PLCD1: variants seen among roughly 807,000 people sequenced by gnomAD.
PLCD1 encodes the protein phospholipase C delta 1.
PLCD1 carries 71 observed loss-of-function variants against 87.4 expected under a neutral mutation model. The observed-to-expected ratio is 0.81, with a 90% CI of 0.67 to 0.99. The LOEUF is 0.99. Ranked by LOEUF, PLCD1 falls within the 50% of genes least tolerant of loss-of-function variation. The probability of loss-of-function intolerance (pLI) is 0.00; values close to 1 mark genes in which losing one functional copy is unlikely to be tolerated. For synonymous variants in PLCD1, 348 were observed against 399.2 expected, an observed-to-expected ratio of 0.87 and a Z score of 1.53; for missense variants, 867 against 1,001.5, an observed-to-expected ratio of 0.87 and a Z score of 1.81.
rs756854829 is a variant in PLCD1, at chr3:38,011,262, G to T, written c.742C>A (p.Pro248Thr). The T allele has an allele frequency of 1.2e-6, 2 of 1,611,526 alleles. No individual in the cohort carries two copies. Among genetic ancestry groups the T allele is most frequent in the South Asian group, 2.2e-5 (2 of 91,000 alleles). ...TCAATGAGGGAGAGGGCCAGCGCAGGCCCTGCCGCCTCCTCCCGCTGCTGG... is the reference window on the plus strand; with the variant it reads ...TCAATGAGGGAGAGGGCCAGCGCAGTCCCTGCCGCCTCCTCCCGCTGCTGG... ...QHQQREEAAG[P>T]ALALSLIERY... The change falls in exon 5 of 15, where the codon CCT becomes ACT. Residue 248 changes from proline (P) to threonine (T), a missense_variant. Physicochemically the swap from Pro to Thr is conservative, Grantham distance 38. Transcript: ENST00000334661.
In PLCD1 at chr3:38,008,110, G is replaced by A. The variant is rs1402744236; in HGVS notation, c.2089C>T (p.Leu697Phe). 6.2e-7 allele frequency: 1 copy of A among 1,614,008 alleles called. No homozygotes were observed. The highest frequency in any genetic ancestry group is 1.3e-5 in the African/African-American group (1 of 74,930). ...TCCACCAAGAAGCGGATGAGGGCAA[G>A]GTCAGGCACAACTACCTCAAACGCA... ...EFAFEVVVPDLALIRFLVEDY... is the reference protein window; with the variant it reads ...EFAFEVVVPDFALIRFLVEDY... The change falls in exon 14 of 15, where the codon CTT becomes TTT. Residue 697 changes from leucine to phenylalanine, a missense_variant. Physicochemically the swap from Leu to Phe is conservative, Grantham distance 22 (BLOSUM62 0). Transcript: ENST00000334661.
chr3:38,024,359 CG>C, intron 1 of PLCD1: 1 of 1,612,992 alleles, frequency 6.2e-7, no homozygotes, highest in South Asian at 1.1e-5. Flanking sequence ...CATTGAGCGC[CG>C]CCACCTTAAG....
intron 3 of PLCD1, among the ~76,000 whole-genome samples, chr3:38,015,189 T>C (rs1700136663): frequency 6.6e-6 from 1 of 152,214 alleles, no homozygotes; most frequent in Non-Finnish European, 1.5e-5. Context: ...GGAAACAATC[T>C]AAATGTCCAT....
In PLCD1 at chr3:38,025,461, C is replaced by G. The variant is rs970422564; in HGVS notation, c.34+4045G>C. Reference sequence around the variant, plus strand: ...AGCCTGGGCCAGACACCGAGCCCCCCCCAAGTATTTTACTTCAATTGCTCA... The same window carrying G: ...AGCCTGGGCCAGACACCGAGCCCCCGCCAAGTATTTTACTTCAATTGCTCA... On this transcript the variant is annotated intron_variant, in intron 1 of 14. Transcript: ENST00000334661. This position sits in a 1 kb window ranked among gnomAD's most constrained non-coding sequence, Gnocchi z 4.0. Among the ~76,000 whole-genome samples, 3 of 152,282 alleles carry G rather than the reference C, an allele frequency of 2.0e-5. No individual in the cohort carries two copies. The South Asian group carries it at 6.2e-4, about 32-fold the overall frequency.
intron 11 of PLCD1, 138 bp downstream of exon 11, chr3:38,008,904 T>C (rs559174731): frequency 1.4e-6 from 1 of 725,552 alleles, no homozygotes; most frequent in Non-Finnish European, 2.4e-6. Flanking sequence ...CAGACTGATA[T>C]TACCAGCTCC....
intron 1 of PLCD1, among the ~76,000 whole-genome samples, chr3:38,022,260 C>A (rs567239896): frequency 1.3e-5 from 2 of 152,364 alleles, no homozygotes; most frequent in African/African-American, 4.8e-5. Context: ...AAGAAGGGGG[C>A]TCTGATAGAA....
intron 3 of PLCD1, among the ~76,000 whole-genome samples, chr3:38,013,789 T>C (rs1292104174): frequency 6.6e-6 from 1 of 152,188 alleles, no homozygotes; most frequent in Non-Finnish European, 1.5e-5. Flanking sequence ...AAAAATGCCA[T>C]AGAATTGGGC....
Position 38,018,106 on chromosome 3 carries a change from G to A in PLCD1, c.200-1387C>T, listed in dbSNP as rs2125548550. ...TCATGGGGGTGGGTAGTAGTGGCAG[G>A]ATTGGGGAGACTTAAAAAGCAGGAA... is the stretch of plus-strand genomic sequence containing the variant. On this transcript the variant is annotated intron_variant, in intron 2 of 14. Coordinates refer to ENST00000334661, the MANE Select transcript of PLCD1 (RefSeq NM_006225.4). This position sits in a 1 kb window ranked among gnomAD's most constrained non-coding sequence, Gnocchi z 5.7. 6.6e-6 allele frequency among the ~76,000 whole-genome samples: 1 copy of A among 152,316 alleles called. No homozygotes were observed. The highest frequency in any genetic ancestry group is 1.9e-4 in the East Asian group (1 of 5,186).
intron 3 of PLCD1, among the ~76,000 whole-genome samples, chr3:38,012,165 C>G (rs952799301): frequency 6.7e-6 from 1 of 150,074 alleles, no homozygotes; most frequent in African/African-American, 2.4e-5. Context: ...CGCACCACCA[C>G]GCCTGGCTTT....
At chr3:38,014,272 GA>G (rs72497444) in intron 3 of PLCD1, among the ~76,000 whole-genome samples, 84 of 145,732 alleles carry the variant, frequency 5.8e-4, no homozygotes, top group Non-Finnish European at 1.1e-3. Flanking sequence ...AAGCAATATT[GA>G]AAAAAAAAAC....
In PLCD1 at chr3:38,016,371, T is replaced by C. The variant is rs2096594; in HGVS notation, c.428+120A>G. 3.7e-4 allele frequency: 265 copies of C among 725,204 alleles called. 2 individuals are homozygous for C. In the East Asian group the frequency reaches 6.6e-3, roughly 18 times the overall value. 44.9% of individuals were successfully genotyped at this position (725,204 alleles called of 1,614,324 possible). A position where few individuals can be genotyped will look rare whatever the true frequency, so the allele number is the denominator to read the frequency against. On this transcript the variant is annotated intron_variant, in intron 3 of 14. Coordinates refer to ENST00000334661, the MANE Select transcript of PLCD1 (RefSeq NM_006225.4). ...TAAATTATGCTGTTTAAGCCACCTA[T>C]GATATTTTGTTATGGCAGCCCAAAG...
At position 38,010,159 on chromosome 3, in the gene PLCD1, A is replaced by G. The variant is rs762625740; in HGVS notation, c.1109T>C (p.Leu370Pro). 6.2e-7 allele frequency: 1 copy of G among 1,614,220 alleles called. No individual in the cohort carries two copies. The highest frequency in any genetic ancestry group is 8.5e-7 in the Non-Finnish European group (1 of 1,180,026). The change falls in exon 7 of 15, where the codon CTC becomes CCC. Residue 370 changes from leucine (L) to proline (P), a missense_variant. Coordinates refer to ENST00000334661, the MANE Select transcript of PLCD1 (RefSeq NM_006225.4). ...FTSKILFCDV[L>P]RAIRDYAFKA... The stretch of plus-strand genomic sequence containing the variant: ...GAAGGCATAGTCCCGGATGGCCCTG[A>G]GCACATCGCAGAAGAGGATCTTGGA...
At chr3:38,016,762 T>C in intron 2 of PLCD1, 43 bp from the exon 3 acceptor site, 1 of 1,395,206 alleles carries the variant, frequency 7.2e-7, no homozygotes, top group Non-Finnish European at 9.9e-7. Flanking sequence ...GAGAATGCTG[T>C]GAGGTCAGTC....
chr3:38,013,091 CG>C (rs1181525008), intron 3 of PLCD1, among the ~76,000 whole-genome samples: 7 of 151,362 alleles, frequency 4.6e-5, no homozygotes, highest in Non-Finnish European at 1.0e-4. Context: ...GGTTTTGCCA[CG>C]TTGCCCAGAC....
chr3:38,023,960 T>C (rs2125551235), intron 1 of PLCD1, among the ~76,000 whole-genome samples: 2 of 148,778 alleles, frequency 1.3e-5, no homozygotes, highest in South Asian at 4.4e-4. Context: ...ACCCATCACA[T>C]ACAGGCACAC....
At chr3:38,026,566 G>A (rs569515629) in intron 1 of PLCD1, among the ~76,000 whole-genome samples, 2 of 152,328 alleles carry the variant, frequency 1.3e-5, no homozygotes, top group African/African-American at 2.4e-5. Context: ...CTGAGAAGGG[G>A]TCTACAGGCT....
At chr3:38,016,407 A>T in intron 3 of PLCD1, 84 bp downstream of exon 3, 1 of 874,882 alleles carries the variant, frequency 1.1e-6, no homozygotes, top group Non-Finnish European at 1.9e-6. Context: ...TACCTAAACC[A>T]GCTTCCATAC....
At chr3:38,022,876 T>C in intron 1 of PLCD1, among the ~76,000 whole-genome samples, 1 of 152,038 alleles carries the variant, frequency 6.6e-6, no homozygotes, top group South Asian at 2.1e-4. Flanking sequence ...AACCCAGTCA[T>C]AATATTAGTT....
At position 38,011,455 on chromosome 3, in the gene PLCD1, C is replaced by T; in HGVS notation, c.559-10G>A. ...GGGAGTGGTCACACTCCTGCAGAGC[C>T]AGGACAGCCGAGTGGGCTCAGAGCA... On this transcript the variant is annotated splice_polypyrimidine_tract_variant and intron_variant, in intron 4 of 14. Coordinates refer to ENST00000334661, the MANE Select transcript of PLCD1 (RefSeq NM_006225.4). 6.2e-7 allele frequency: 1 copy of T among 1,613,876 alleles called. No individual in the cohort carries two copies. Among genetic ancestry groups the T allele is most frequent in the Non-Finnish European group, 8.5e-7 (1 of 1,179,722 alleles).
Sources: allele counts gnomAD v4.1 joint callset (sites outside exome capture counted in the v4.1 genomes callset), GRCh38; gene constraint gnomAD v4.1.1; non-coding constraint Gnocchi (gnomAD v3.1); transcripts MANE v1.5; gene names NCBI Gene and HGNC (gene_info 2026-07-23, HGNC 2026-07-21).